The following FBXL4 variants were observed in gnomAD, a reference collection of about 807,000 sequenced individuals.
FBXL4 encodes the protein F-box and leucine rich repeat protein 4.
A neutral mutation model predicts 58.9 loss-of-function variants in FBXL4; 40 were observed. The observed-to-expected ratio is 0.68, with a 90% CI of 0.53 to 0.88. The LOEUF (loss-of-function observed/expected upper bound fraction) is 0.88, where lower values mean the gene tolerates loss of function less well. Ranked by LOEUF, FBXL4 falls within the 40% of genes least tolerant of loss-of-function variation. FBXL4 has a pLI of 0.00. For missense variants in FBXL4, 676 were observed against 734.4 expected (o/e 0.92, Z 0.92); for synonymous variants, 263 against 265.5 (o/e 0.99, Z 0.09).
intron 2 of FBXL4, among the ~76,000 whole-genome samples, chr6:98,928,380 G>A (rs1261735134): frequency 6.6e-6 from 1 of 151,704 alleles, no homozygotes; most frequent in Non-Finnish European, 1.5e-5. Context: ...CCAGGCTGGA[G>A]TGCCCTGGCG....
chr6:98,923,851 T>C (rs1235045552), intron 4 of FBXL4, among the ~76,000 whole-genome samples: 3 of 151,792 alleles, frequency 2.0e-5, no homozygotes, highest in Non-Finnish European at 4.4e-5. Context: ...ATATTTTCCT[T>C]TTTTTTTGGT....
At chr6:98,890,311 A>G (rs1195623102) in intron 7 of FBXL4, among the ~76,000 whole-genome samples, 1 of 152,064 alleles carries the variant, frequency 6.6e-6, no homozygotes, top group Non-Finnish European at 1.5e-5. Flanking sequence ...TGTACATATT[A>G]CAGACAAAGA....
chr6:98,888,105 C>T (rs1771100617), intron 7 of FBXL4, among the ~76,000 whole-genome samples: 1 of 152,208 alleles, frequency 6.6e-6, no homozygotes, highest in East Asian at 1.9e-4. Flanking sequence ...ATTAACTCTT[C>T]ATTTCCAGAT....
chr6:98,914,417 C>T (rs1334085652), intron 5 of FBXL4, among the ~76,000 whole-genome samples: 3 of 152,166 alleles, frequency 2.0e-5, no homozygotes, highest in African/African-American at 7.2e-5. Flanking sequence ...AAAAAATCCT[C>T]AATAAAATAC....
chr6:98,924,834 T>C (rs1179388495), intron 4 of FBXL4, among the ~76,000 whole-genome samples: 5 of 152,224 alleles, frequency 3.3e-5, no homozygotes. Context: ...AGGTAGCAGC[T>C]GACCTCTGCC....
At chr6:98,914,692 A>G (rs1772260716) in intron 5 of FBXL4, among the ~76,000 whole-genome samples, 1 of 152,216 alleles carries the variant, frequency 6.6e-6, no homozygotes. Flanking sequence ...GCTATCTATG[A>G]CAAACCCACA....
At chr6:98,916,438 CTGGAT>C (rs1772350272) in intron 5 of FBXL4, among the ~76,000 whole-genome samples, 1 of 151,760 alleles carries the variant, frequency 6.6e-6, no homozygotes, top group Non-Finnish European at 1.5e-5. Flanking sequence ...CAATGATAGA[CTGGAT>C]TAAGAAAATG....
intron 7 of FBXL4, chr6:98,898,776 A>G: frequency 1.0e-6 from 1 of 985,328 alleles, no homozygotes; most frequent in African/African-American, 1.7e-5. Flanking sequence ...GACCCTGGAA[A>G]CATGTCCTAG....
intron 5 of FBXL4, among the ~76,000 whole-genome samples, chr6:98,910,898 A>G (rs1365935868): frequency 2.0e-5 from 3 of 152,196 alleles, no homozygotes; most frequent in South Asian, 4.1e-4. Flanking sequence ...GGGAAGCACA[A>G]GGGATCAGGG....
intron 4 of FBXL4, among the ~76,000 whole-genome samples, chr6:98,918,162 T>C (rs539552945): frequency 4.9e-4 from 74 of 152,320 alleles, no homozygotes; most frequent in Non-Finnish European, 7.8e-4. Context: ...CTCATATAAA[T>C]GCAAAACTTT....
intron 1 of FBXL4, among the ~76,000 whole-genome samples, chr6:98,940,381 A>G (rs1393259815): frequency 1.3e-5 from 2 of 152,180 alleles, no homozygotes; most frequent in Non-Finnish European, 2.9e-5. Context: ...TGTTTCTAGT[A>G]TCAAGCCATT....
rs553789173 is a variant in FBXL4 at position 98,925,167 on chromosome 6, A to T, written c.512+1310T>A. Among the ~76,000 whole-genome samples, 9 of 152,336 alleles carry T rather than the reference A, an allele frequency of 5.9e-5. No individual in the cohort carries two copies. The East Asian group carries it at 1.7e-3, about 29-fold the overall frequency. The stretch of plus-strand genomic sequence containing the variant: ...ACATATGAAAAGATTTCAACCTCAG[A>T]GATAATAAAAGAATTTTAACAGTTA... On this transcript the variant is annotated intron_variant, in intron 4 of 9. Coordinates refer to ENST00000369244, the MANE Select transcript of FBXL4 (RefSeq NM_001278716.2).
intron 4 of FBXL4, among the ~76,000 whole-genome samples, chr6:98,925,965 A>G (rs1772763389): frequency 6.6e-6 from 1 of 152,184 alleles, no homozygotes; most frequent in African/African-American, 2.4e-5. Context: ...TATGCAAAAC[A>G]GGCTTGTAGG....
intron 4 of FBXL4, among the ~76,000 whole-genome samples, chr6:98,922,426 C>T (rs372643721): frequency 3.9e-5 from 6 of 152,304 alleles, no homozygotes; most frequent in African/African-American, 2.4e-5. Flanking sequence ...TACTCCAACA[C>T]ATTCTTGTTT....
chr6:98,946,205 C>A lies in FBXL4; in HGVS notation c.-309+1601G>T, dbSNP rs35621126. ...AAGAATACTAGACCGTTCAGAAAGT[C>A]CCAAGAATACACGGGAATTTAGGGC... is the stretch of plus-strand genomic sequence containing the variant. On this transcript the variant is annotated intron_variant, in intron 1 of 9. Coordinates refer to ENST00000369244, the MANE Select transcript of FBXL4 (RefSeq NM_001278716.2). Among the ~76,000 whole-genome samples, 1,223 of 152,226 alleles carry A rather than the reference C, an allele frequency of 8.0e-3. 7 individuals are homozygous for A. The highest frequency in any genetic ancestry group is 0.014 in the Non-Finnish European group (928 of 68,012).
chr6:98,886,059 C>T (rs1771028367), intron 7 of FBXL4, among the ~76,000 whole-genome samples: 1 of 152,202 alleles, frequency 6.6e-6, no homozygotes, highest in African/African-American at 2.4e-5. Flanking sequence ...CAGATAACAA[C>T]CTGGCTGCAA....
intron 8 of FBXL4, among the ~76,000 whole-genome samples, chr6:98,877,468 T>G (rs1266768215): frequency 6.6e-6 from 1 of 152,202 alleles, no homozygotes; most frequent in African/African-American, 2.4e-5. Flanking sequence ...GTTGTTGTTG[T>G]GAAATTATCA....
At chr6:98,919,052 G>GAA (rs80321576) in intron 4 of FBXL4, among the ~76,000 whole-genome samples, 2 of 147,214 alleles carry the variant, frequency 1.4e-5, no homozygotes, top group East Asian at 3.9e-4. Flanking sequence ...GAAACTGAAA[G>GAA]AAAAAAAAAA....
At chr6:98,934,693 C>T (rs750552182) in intron 2 of FBXL4, 69 bp downstream of exon 2, 8 of 152,198 alleles carry the variant, frequency 5.3e-5, no homozygotes, top group Middle Eastern at 3.4e-3. Flanking sequence ...CCAGTTAAAA[C>T]ATTTTTATTA....
Sources: gnomAD v4.1 joint callset for allele counts (sites outside exome capture counted in the v4.1 genomes callset) on GRCh38, gnomAD v4.1.1 for gene constraint, MANE v1.5 for transcripts, NCBI Gene and HGNC (gene_info 2026-07-23, HGNC 2026-07-21) for gene names.